Variants in MCOLN1 observed in about 807,000 individuals in gnomAD.
MCOLN1 encodes mucolipin TRP cation channel 1.
MCOLN1 carries 50 observed loss-of-function variants against 70.3 expected under a neutral mutation model. The ratio of observed to expected loss-of-function variants is 0.71; its 90% CI spans 0.57 to 0.90. MCOLN1 has a LOEUF of 0.90. Among genes scored for constraint, MCOLN1 ranks in the 40% least tolerant of loss-of-function variants. MCOLN1 has a pLI of 0.00. For missense variants in MCOLN1, 598 were observed against 803.5 expected, an observed-to-expected ratio of 0.74 and a Z score of 3.09; for synonymous variants, 366 against 341.0, an observed-to-expected ratio of 1.07 and a Z score of -0.81.
At position 7,533,804 on chromosome 19, in the gene MCOLN1, G is replaced by A; in HGVS notation, c.*9G>A. On this transcript the variant is annotated 3_prime_UTR_variant, in exon 14 of 14. Transcript: ENST00000264079. ...CGCTGCTGGTGAATTGATTCGACCTGACTGCCGTTGGACCGTAGGCCCTGG... is the reference window on the plus strand; with the variant it reads ...CGCTGCTGGTGAATTGATTCGACCTAACTGCCGTTGGACCGTAGGCCCTGG... 1 of 1,614,144 alleles carries A rather than the reference G, an allele frequency of 6.2e-7. No homozygotes were observed. The highest frequency in any genetic ancestry group is 8.5e-7 in the Non-Finnish European group (1 of 1,180,012).
chr19:7,528,926 C>T lies in MCOLN1; in HGVS notation c.1090C>T (p.Leu364Phe). The T allele has an allele frequency of 6.2e-7, 1 of 1,614,160 alleles. No individual in the cohort carries two copies. The highest frequency in any genetic ancestry group is 8.5e-7 in the Non-Finnish European group (1 of 1,180,028). ...WYILLVTSDV[L>F]TISGTIMKIG... Reference sequence around the variant, plus strand: ...CATCCTGCTCGTCACCAGCGATGTGCTCACCATCTCGGGCACCATCATGAA... The same window carrying T: ...CATCCTGCTCGTCACCAGCGATGTGTTCACCATCTCGGGCACCATCATGAA... Residue 364 changes from leucine (L) to phenylalanine (F), a missense_variant, in exon 9 of 14, where the codon CTC (leucine) becomes TTC (phenylalanine). Transcript: ENST00000264079. This position sits in a 1 kb window ranked among gnomAD's most constrained non-coding sequence, Gnocchi z 4.2.
rs2022715719 is a variant in MCOLN1, at chr19:7,533,895, C to T, written c.*100C>T. The T allele has an allele frequency of 6.9e-7, 1 of 1,442,216 alleles. No individual in the cohort carries two copies. Among genetic ancestry groups the T allele is most frequent in the East Asian group, 2.4e-5 (1 of 41,454 alleles). The allele number at this position is 1,442,216 out of a possible 1,614,324, so 89.3% of individuals were successfully genotyped here. ...TAGGGTTTGCTTTTAAGGATCGGCT[C>T]CCTGTCGCGCCCGAGGAGGGCCTGG... On this transcript the variant is annotated 3_prime_UTR_variant, in exon 14 of 14. Transcript: ENST00000264079.
chr19:7,532,133 G>T (rs926341652), intron 12 of MCOLN1, among the ~76,000 whole-genome samples: 1 of 152,234 alleles, frequency 6.6e-6, no homozygotes, highest in African/African-American at 2.4e-5. Flanking sequence ...GTGGCAGGTA[G>T]ATAGGATTCT....
chr19:7,533,908 G>A lies in MCOLN1; in HGVS notation c.*113G>A. On this transcript the variant is annotated 3_prime_UTR_variant, in exon 14 of 14. Transcript: ENST00000264079. Reference sequence around the variant, plus strand: ...TAAGGATCGGCTCCCTGTCGCGCCCGAGGAGGGCCTGGACCTTTCGTGTCG... The same window carrying A: ...TAAGGATCGGCTCCCTGTCGCGCCCAAGGAGGGCCTGGACCTTTCGTGTCG... The A allele has an allele frequency of 7.5e-7, 1 of 1,329,674 alleles. No individual in the cohort carries two copies. The highest frequency in any genetic ancestry group is 1.1e-6 in the Non-Finnish European group (1 of 945,646). The allele number at this position is 1,329,674 out of a possible 1,614,324, so 82.4% of individuals were successfully genotyped here.
Position 7,522,711 on chromosome 19 carries a change from C to T in MCOLN1, c.-40C>T, listed in dbSNP as rs766555813. On this transcript the variant is annotated 5_prime_UTR_variant, in exon 1 of 14. Transcript: ENST00000264079. ...GCGGCGGGCGATCGGACCCAGGCTG[C>T]CCCGCCGTACCCGCCTGCGTCCCGC... is the stretch of plus-strand genomic sequence containing the variant. 15 of 1,450,020 alleles carry T rather than the reference C, an allele frequency of 1.0e-5. No individual in the cohort carries two copies. In the South Asian group the frequency reaches 1.8e-4, roughly 17 times the overall value. The allele number at this position is 1,450,020 out of a possible 1,614,324, so 89.8% of individuals were successfully genotyped here.
chr19:7,526,346 G>C lies in MCOLN1; in HGVS notation c.238-93G>C. 2 of 1,478,952 alleles carry C rather than the reference G, an allele frequency of 1.4e-6. No individual in the cohort carries two copies. Among genetic ancestry groups the C allele is most frequent in the East Asian group, 4.5e-5 (2 of 44,224 alleles). The allele number at this position is 1,478,952 out of a possible 1,614,324, so 91.6% of individuals were successfully genotyped here. A position where few individuals can be genotyped will look rare whatever the true frequency, so the allele number is the denominator to read the frequency against. ...CCCCACCCCAGTGGACATCTGCAGG[G>C]CCCTCCCTGTCCTCTTCCAGGGCCT... On this transcript the variant is annotated intron_variant, in intron 2 of 13. Transcript: ENST00000264079. This position sits in a 1 kb window ranked among gnomAD's most constrained non-coding sequence, Gnocchi z 4.6.
At position 7,527,955 on chromosome 19, in the gene MCOLN1, G is replaced by A. The variant is rs369431026; in HGVS notation, c.772G>A (p.Val258Ile). The A allele has an allele frequency of 2.7e-5, 43 of 1,613,530 alleles. No individual in the cohort carries two copies. The highest frequency in any genetic ancestry group is 3.3e-5 in the Admixed American group (2 of 60,002). ...GATCCCGGACTGCTATACCTTCAGCGTCCTGGTGAGGCCCCCCGGGAACCC... is the reference window on the plus strand; with the variant it reads ...GATCCCGGACTGCTATACCTTCAGCATCCTGGTGAGGCCCCCCGGGAACCC... ...NEIPDCYTFSVLITFDNKAHS... is the reference protein window; with the variant it reads ...NEIPDCYTFSILITFDNKAHS... The change falls in exon 6 of 14, where the codon GTC becomes ATC. Residue 258 changes from valine (V) to isoleucine (I), a missense_variant. Around this residue, in one of 3 missense-constraint regions of MCOLN1, gnomAD observed 461 missense variants for 588.4 expected, o/e 0.78. Coordinates refer to ENST00000264079, the MANE Select transcript of MCOLN1 (RefSeq NM_020533.3).
At position 7,533,810 on chromosome 19, in the gene MCOLN1, C is replaced by CCA. The variant is rs1157386791; in HGVS notation, c.*15_*16insCA. On this transcript the variant is annotated 3_prime_UTR_variant, in exon 14 of 14. Transcript: ENST00000264079. The stretch of plus-strand genomic sequence containing the variant: ...TGGTGAATTGATTCGACCTGACTGC[C>CCA]GTTGGACCGTAGGCCCTGGACTGCA... The CCA allele has an allele frequency of 6.2e-7, 1 of 1,614,114 alleles. No homozygotes were observed. Among genetic ancestry groups the CCA allele is most frequent in the Admixed American group, 1.7e-5 (1 of 60,026 alleles).
rs976651078 is a variant in MCOLN1 at position 7,522,638 on chromosome 19, G to C, written c.-113G>C. ...GTGACCGAGGCACAGATCAGCTGAT[G>C]CCGGAGGGTTTGAAGCCGCGCCGCG... On this transcript the variant is annotated 5_prime_UTR_variant, in exon 1 of 14. The change abolishes an upstream ATG in the 5' untranslated region. Transcript: ENST00000264079. 2 of 1,156,902 alleles carry C rather than the reference G, an allele frequency of 1.7e-6. No homozygotes were observed. 71.7% of individuals were successfully genotyped at this position (1,156,902 alleles called of 1,614,324 possible).
In MCOLN1 at chr19:7,525,002, C is replaced by A. The variant is rs771490236; in HGVS notation, c.73C>A (p.Gln25Lys). The A allele has an allele frequency of 4.3e-6, 7 of 1,613,870 alleles. No homozygotes were observed. The highest frequency in any genetic ancestry group is 5.9e-6 in the Non-Finnish European group (7 of 1,179,974). The change falls in exon 2 of 14, where the codon CAG becomes AAG. Residue 25 changes from glutamine (Q) to lysine (K), a missense_variant. Gln to Lys is a moderately conservative substitution (Grantham distance 53). This residue lies in a region of MCOLN1 where 461 missense variants were observed against 588.4 expected (regional missense o/e 0.78). Transcript: ENST00000264079. This position sits in a 1 kb window ranked among gnomAD's most constrained non-coding sequence, Gnocchi z 4.2. ...GACCCCCAACCCCGGGTATGGGACC[C>A]AGGCGGGGCCTTCACCGGCCCCTCC... ...LLTPNPGYGT[Q>K]AGPSPAPPTP... is the part of the protein sequence containing the mutation.
chr19:7,527,512 G>A lies in MCOLN1; in HGVS notation c.572-8G>A, dbSNP rs373636467. The A allele has an allele frequency of 1.9e-4, 264 of 1,366,184 alleles. No homozygotes were observed. Among genetic ancestry groups the A allele is most frequent in the Non-Finnish European group, 2.6e-4 (245 of 953,484 alleles). The allele number at this position is 1,366,184 out of a possible 1,614,324, so 84.6% of individuals were successfully genotyped here. On this transcript the variant is annotated splice_region_variant and splice_polypyrimidine_tract_variant and intron_variant, in intron 4 of 13. Transcript: ENST00000264079. Reference sequence around the variant, plus strand: ...CCCTGAGGCCCTTCCCTGACTCCCTGTCCTTAGACTGCATCCAGGTGGATC... The same window carrying A: ...CCCTGAGGCCCTTCCCTGACTCCCTATCCTTAGACTGCATCCAGGTGGATC...
chr19:7,522,633 C>T lies in MCOLN1; in HGVS notation c.-118C>T. Reference sequence around the variant, plus strand: ...GTCACGTGACCGAGGCACAGATCAGCTGATGCCGGAGGGTTTGAAGCCGCG... The same window carrying T: ...GTCACGTGACCGAGGCACAGATCAGTTGATGCCGGAGGGTTTGAAGCCGCG... On this transcript the variant is annotated 5_prime_UTR_variant, in exon 1 of 14. Transcript: ENST00000264079. 9.1e-7 allele frequency: 1 copy of T among 1,097,566 alleles called. No homozygotes were observed. The highest frequency in any genetic ancestry group is 1.7e-5 in the South Asian group (1 of 57,344). 68.0% of individuals were successfully genotyped at this position (1,097,566 alleles called of 1,614,324 possible). A position where few individuals can be genotyped will look rare whatever the true frequency, so the allele number is the denominator to read the frequency against.
intron 12 of MCOLN1, among the ~76,000 whole-genome samples, chr19:7,533,187 T>G (rs1331875831): frequency 2.0e-5 from 3 of 152,206 alleles, no homozygotes; most frequent in Non-Finnish European, 4.4e-5. Context: ...CAGGCCCTGC[T>G]CCCACTGCTG....
At chr19:7,523,023 G>T (rs1049511684) in intron 1 of MCOLN1, among the ~76,000 whole-genome samples, 13 of 152,198 alleles carry the variant, frequency 8.5e-5, no homozygotes, top group Non-Finnish European at 1.5e-4. Flanking sequence ...GCGCCGGGCC[G>T]CCAGCTTCTC....
chr19:7,526,055 C>G lies in MCOLN1; in HGVS notation c.238-384C>G, dbSNP rs1466259827. On this transcript the variant is annotated intron_variant, in intron 2 of 13. Transcript: ENST00000264079. This position sits in a 1 kb window ranked among gnomAD's most constrained non-coding sequence, Gnocchi z 4.6. ...CCAACTTGGGCAACAGAGTGAGACT[C>G]TGTCTCAAAAAAGAAAAGAAAAGGG... 1 of 333,846 alleles carries G rather than the reference C, an allele frequency of 3.0e-6. No homozygotes were observed. The highest frequency in any genetic ancestry group is 2.1e-5 in the African/African-American group (1 of 46,700). The allele number at this position is 333,846 out of a possible 1,614,324, so 20.7% of individuals were successfully genotyped here.
At position 7,529,622 on chromosome 19, in the gene MCOLN1, C is replaced by T. The variant is rs776281877; in HGVS notation, c.1269C>T (p.Pro423=). Residue 423 remains proline (P), a synonymous_variant, in exon 11 of 14, where the codon CCC becomes CCT. Coordinates refer to ENST00000264079, the MANE Select transcript of MCOLN1 (RefSeq NM_020533.3). ...ILIATLRVAL[P]SVMRFCCCVA... ...TCGCCACACTGCGGGTGGCCCTGCCCAGCGTCATGCGCTTCTGCTGCTGCG... is the reference window on the plus strand; with the variant it reads ...TCGCCACACTGCGGGTGGCCCTGCCTAGCGTCATGCGCTTCTGCTGCTGCG... 6.2e-7 allele frequency: 1 copy of T among 1,614,172 alleles called. No homozygotes were observed. Among genetic ancestry groups the T allele is most frequent in the Admixed American group, 1.7e-5 (1 of 60,024 alleles).
At chr19:7,531,347 C>T (rs546076270) in intron 12 of MCOLN1, among the ~76,000 whole-genome samples, 20 of 152,092 alleles carry the variant, frequency 1.3e-4, no homozygotes, top group Middle Eastern at 3.4e-3. Context: ...ATTACTTGCA[C>T]GTGCCACCAC....
Position 7,533,835 on chromosome 19 carries a change from A to G in MCOLN1, c.*40A>G, listed in dbSNP as rs1468957385. 15 of 1,610,850 alleles carry G rather than the reference A, an allele frequency of 9.3e-6. No homozygotes were observed. The highest frequency in any genetic ancestry group is 1.3e-5 in the Non-Finnish European group (15 of 1,177,194). On this transcript the variant is annotated 3_prime_UTR_variant, in exon 14 of 14. Transcript: ENST00000264079. ...CGTTGGACCGTAGGCCCTGGACTGC[A>G]GAGACCCCCGCCCCCGACCCCGCTT...
At position 7,528,522 on chromosome 19, in the gene MCOLN1, C is replaced by G. The variant is rs1389327447; in HGVS notation, c.878-75C>G. 6.3e-7 allele frequency: 1 copy of G among 1,592,518 alleles called. No homozygotes were observed. The highest frequency in any genetic ancestry group is 8.6e-7 in the Non-Finnish European group (1 of 1,166,504). ...GCCGTGCAGCCCCCTAGGTCTCCAG[C>G]CTGGCCTGGCACCAATGCTAGCCTC... On this transcript the variant is annotated intron_variant, in intron 7 of 13. Coordinates refer to ENST00000264079, the MANE Select transcript of MCOLN1 (RefSeq NM_020533.3). This position sits in a 1 kb window ranked among gnomAD's most constrained non-coding sequence, Gnocchi z 4.2.
Sources: gnomAD v4.1 joint callset for allele counts (sites outside exome capture counted in the v4.1 genomes callset) on GRCh38, gnomAD v4.1.1 for gene constraint, gnomAD v4.1.1 regional missense constraint, Gnocchi (gnomAD v3.1) non-coding constraint, MANE v1.5 for transcripts, NCBI Gene and HGNC (gene_info 2026-07-23, HGNC 2026-07-21) for gene names.